NCOA1: variants seen among roughly 807,000 people sequenced by gnomAD.
NCOA1 encodes Hin-2 protein.
Under a neutral mutation model 150.9 loss-of-function variants are expected in NCOA1, and 35 were observed. The ratio of observed to expected loss-of-function variants is 0.23; its 90% CI spans 0.18 to 0.31. The LOEUF is 0.31. Among genes scored for constraint, NCOA1 ranks in the 10% least tolerant of loss-of-function variants. The pLI, the probability that NCOA1 is intolerant of heterozygous loss-of-function variation, is 1.00. For synonymous variants in NCOA1, 590 were observed against 630.0 expected (o/e 0.94, Z 0.95); for missense variants, 1,491 against 1,749.3 (o/e 0.85, Z 2.63).
intron 21 of NCOA1, among the ~76,000 whole-genome samples, chr2:24,760,437 G>A (rs952783794): frequency 2.0e-5 from 3 of 151,368 alleles, no homozygotes; most frequent in African/African-American, 7.3e-5. Context: ...GATTACAGGC[G>A]TGAGCCACCG....
At chr2:24,710,439 G>C (rs1279534580) in intron 13 of NCOA1, among the ~76,000 whole-genome samples, 1 of 152,042 alleles carries the variant, frequency 6.6e-6, no homozygotes, top group African/African-American at 2.4e-5. Context: ...CCTTAAGTGG[G>C]AAGTAACCAT....
chr2:24,581,461 G>A (rs531974222), intron 2 of NCOA1, among the ~76,000 whole-genome samples: 18 of 152,164 alleles, frequency 1.2e-4, no homozygotes, highest in Non-Finnish European at 1.3e-4. Flanking sequence ...GCACAGAGTT[G>A]TTTTTTACTT....
At chr2:24,681,865 C>G (rs1672192500) in intron 7 of NCOA1, among the ~76,000 whole-genome samples, 3 of 152,238 alleles carry the variant, frequency 2.0e-5, no homozygotes, top group African/African-American at 7.2e-5. Context: ...CAGGCGTCCG[C>G]TACCACACTT....
chr2:24,650,593 C>T lies in NCOA1; in HGVS notation c.-18+6471C>T, dbSNP rs553683364. On this transcript the variant is annotated intron_variant, in intron 4 of 22. Transcript: ENST00000348332. ...CAATAAAAAGACAAGTTAAACCCAA[C>T]CCAAAATCCTACAACTCAATAGCAA... Among the ~76,000 whole-genome samples the T allele has an allele frequency of 8.5e-5, 13 of 152,180 alleles. No individual in the cohort carries two copies. In the South Asian group the frequency reaches 2.7e-3, roughly 32 times the overall value.
chr2:24,743,054 T>G (rs769492286), intron 19 of NCOA1, among the ~76,000 whole-genome samples: 1 of 152,222 alleles, frequency 6.6e-6, no homozygotes, highest in Non-Finnish European at 1.5e-5. Context: ...TTCTTATTTC[T>G]TTTCTGTCAC....
At chr2:24,728,255 A>C in intron 15 of NCOA1, 53 bp from the exon 16 acceptor site, 1 of 1,506,920 alleles carries the variant, frequency 6.6e-7, no homozygotes, top group Non-Finnish European at 9.0e-7. Context: ...ATAAAGATTG[A>C]ATAAATTATT....
chr2:24,568,023 C>A (rs1029072390), intron 2 of NCOA1, among the ~76,000 whole-genome samples: 3 of 152,212 alleles, frequency 2.0e-5, no homozygotes, highest in Middle Eastern at 3.2e-3. Context: ...GGATTACAGG[C>A]ATGAGCCACT....
chr2:24,641,644 C>T (rs527570284), intron 3 of NCOA1, among the ~76,000 whole-genome samples: 1 of 152,074 alleles, frequency 6.6e-6, no homozygotes, highest in East Asian at 1.9e-4. Flanking sequence ...GATAGGGCTC[C>T]CCACCCCCCT....
chr2:24,613,014 C>G (rs1175432101), intron 3 of NCOA1, among the ~76,000 whole-genome samples: 1 of 152,002 alleles, frequency 6.6e-6, no homozygotes, highest in Non-Finnish European at 1.5e-5. Flanking sequence ...GACACTGGCA[C>G]TTTTGATTTT....
Position 24,718,847 on chromosome 2 carries a change from C to T in NCOA1, c.2599+7736C>T, listed in dbSNP as rs1454285814. On this transcript the variant is annotated intron_variant, in intron 14 of 22. Coordinates refer to ENST00000348332, the MANE Select transcript of NCOA1 (RefSeq NM_003743.5). ...TCGCGCCACTGCACCCCAGCCTGGG[C>T]GACAGAATGAGACTCTGTCTCAAAA... is the stretch of plus-strand genomic sequence containing the variant. 1.0e-4 allele frequency among the ~76,000 whole-genome samples: 15 copies of T among 147,562 alleles called. No individual in the cohort carries two copies. The South Asian group carries it at 2.1e-3, about 21-fold the overall frequency.
intron 6 of NCOA1, among the ~76,000 whole-genome samples, chr2:24,672,840 A>G (rs1671746029): frequency 6.6e-6 from 1 of 152,208 alleles, no homozygotes. Flanking sequence ...GATATGCAAC[A>G]TCACCTCACA....
intron 2 of NCOA1, among the ~76,000 whole-genome samples, chr2:24,566,997 G>A (rs1200130279): frequency 6.6e-6 from 1 of 152,232 alleles, no homozygotes; most frequent in African/African-American, 2.4e-5. Context: ...CGGGCCTTCT[G>A]CCTGCTCCCA....
chr2:24,754,397 C>G lies in NCOA1; in HGVS notation c.3881+2241C>G, dbSNP rs535634016. ...TCCCATCTGTTATTCTCACCGCTCACTCTGCCACAATGGCTTCCTTTTATC... is the reference window on the plus strand; with the variant it reads ...TCCCATCTGTTATTCTCACCGCTCAGTCTGCCACAATGGCTTCCTTTTATC... On this transcript the variant is annotated intron_variant, in intron 20 of 22. Transcript: ENST00000348332. 7.9e-4 allele frequency among the ~76,000 whole-genome samples: 120 copies of G among 152,308 alleles called. 1 individual carries two copies. The highest frequency in any genetic ancestry group is 2.7e-3 in the African/African-American group (114 of 41,574).
At chr2:24,674,123 A>ATGTGTGTGTGTGTGTGTGTGTGTG (rs146841550) in intron 7 of NCOA1, among the ~76,000 whole-genome samples, 1 of 145,502 alleles carries the variant, frequency 6.9e-6, no homozygotes, top group South Asian at 2.2e-4. Flanking sequence ...ATATGTATGT[A>ATGTGTGTGTGTGTGTGTGTGTGTG]TGTGTGTGTG....
chr2:24,517,004 G>GTGCA lies in NCOA1; in HGVS notation c.-396+25402_-396+25403insTGCA, dbSNP rs1425804870. Among the ~76,000 whole-genome samples the GTGCA allele has an allele frequency of 1.6e-3, 135 of 83,932 alleles. 5 individuals are homozygous for GTGCA. The highest frequency in any genetic ancestry group is 5.1e-3 in the African/African-American group (128 of 24,896). The allele number at this position is 83,932 out of a possible 152,430, so 55.1% of individuals were successfully genotyped here. A position where few individuals can be genotyped will look rare whatever the true frequency, so the allele number is the denominator to read the frequency against. On this transcript the variant is annotated intron_variant, in intron 1 of 22. Coordinates refer to ENST00000348332, the MANE Select transcript of NCOA1 (RefSeq NM_003743.5). The stretch of plus-strand genomic sequence containing the variant: ...TATACGTATATATATACACACGCGC[G>GTGCA]CACACACACACACACACACACACAC...
intron 3 of NCOA1, among the ~76,000 whole-genome samples, chr2:24,589,204 G>T (rs1232959632): frequency 6.6e-6 from 1 of 152,046 alleles, no homozygotes; most frequent in African/African-American, 2.4e-5. Flanking sequence ...CCCTGGAATT[G>T]TGGCCACCGA....
At chr2:24,671,660 A>C (rs1223076225) in intron 6 of NCOA1, among the ~76,000 whole-genome samples, 1 of 152,118 alleles carries the variant, frequency 6.6e-6, no homozygotes, top group Non-Finnish European at 1.5e-5. Context: ...TCCCAGGTCC[A>C]AGCAATTATT....
At chr2:24,620,716 A>G (rs370690587) in intron 3 of NCOA1, among the ~76,000 whole-genome samples, 64 of 151,712 alleles carry the variant, frequency 4.2e-4, no homozygotes, top group Middle Eastern at 3.4e-3. Context: ...AGTGTTTTGT[A>G]TGTTCACTGG....
intron 8 of NCOA1, among the ~76,000 whole-genome samples, chr2:24,686,471 C>A (rs895951214): frequency 6.6e-6 from 1 of 152,144 alleles, no homozygotes; most frequent in Non-Finnish European, 1.5e-5. Context: ...AAAGGACTTG[C>A]ATGAAGATTA....
Sources: allele counts gnomAD v4.1 joint callset (sites outside exome capture counted in the v4.1 genomes callset), GRCh38; gene constraint gnomAD v4.1.1; transcripts MANE v1.5; gene names NCBI Gene and HGNC (gene_info 2026-07-23, HGNC 2026-07-21).